The following FHL5 variants were observed in gnomAD, a reference collection of about 807,000 sequenced individuals.
FHL5 encodes four and a half LIM domains protein 5.
Under a neutral mutation model 32.0 loss-of-function variants are expected in FHL5, and 33 were observed. The ratio of observed to expected loss-of-function variants is 1.03; its 90% CI spans 0.78 to 1.38. FHL5 has a LOEUF of 1.38. Ranked by LOEUF, FHL5 falls within the 40% of genes most tolerant of loss-of-function variation. The probability of loss-of-function intolerance (pLI) is 0.00; values close to 1 mark genes in which losing one functional copy is unlikely to be tolerated. For missense variants in FHL5, 336 were observed against 343.9 expected, an observed-to-expected ratio of 0.98 and a Z score of 0.18; for synonymous variants, 114 against 113.6, an observed-to-expected ratio of 1.00 and a Z score of -0.02.
chr6:96,608,228 A>T (rs1771325325), intron 4 of FHL5, among the ~76,000 whole-genome samples: 1 of 152,224 alleles, frequency 6.6e-6, no homozygotes, highest in Non-Finnish European at 1.5e-5. Context: ...TCTTTAGTAC[A>T]TCCATGCTGA....
intron 4 of FHL5, among the ~76,000 whole-genome samples, chr6:96,608,843 G>A (rs1052575723): frequency 2.6e-5 from 4 of 152,098 alleles, no homozygotes; most frequent in Admixed American, 2.6e-4. Context: ...AACTATTTTT[G>A]ATGTTCCAGA....
intron 5 of FHL5, among the ~76,000 whole-genome samples, chr6:96,613,287 A>C (rs953519874): frequency 1.2e-4 from 19 of 152,202 alleles, no homozygotes; most frequent in African/African-American, 4.1e-4. Context: ...TCTACCCATA[A>C]ATCACCAAGT....
intron 1 of FHL5, among the ~76,000 whole-genome samples, chr6:96,596,923 G>A (rs919492991): frequency 1.3e-5 from 2 of 151,962 alleles, no homozygotes; most frequent in Admixed American, 1.3e-4. Context: ...TGAAATTTCA[G>A]AATGACTCTC....
intron 1 of FHL5, among the ~76,000 whole-genome samples, chr6:96,600,990 C>G (rs996679758): frequency 1.3e-5 from 2 of 152,146 alleles, no homozygotes; most frequent in East Asian, 3.9e-4. Context: ...CTCACCCTAC[C>G]CAACTCCCTG....
chr6:96,610,484 C>G, intron 4 of FHL5, 88 bp from the exon 5 acceptor site: 2 of 946,642 alleles, frequency 2.1e-6, no homozygotes, highest in Non-Finnish European at 3.2e-6. Context: ...CTTTTCTCCC[C>G]AGAGATACTA....
chr6:96,614,447 T>G (rs1213605467), intron 5 of FHL5, among the ~76,000 whole-genome samples: 1 of 152,176 alleles, frequency 6.6e-6, no homozygotes, highest in African/African-American at 2.4e-5. Context: ...ATTTTCTGTA[T>G]GAACTACTAA....
chr6:96,594,908 A>G (rs530106777), intron 1 of FHL5, among the ~76,000 whole-genome samples: 72 of 152,098 alleles, frequency 4.7e-4, no homozygotes, highest in African/African-American at 1.7e-3. Flanking sequence ...ACAAGGATTA[A>G]CAATCAACTC....
intron 1 of FHL5, among the ~76,000 whole-genome samples, chr6:96,568,374 G>A (rs1237290552): frequency 6.6e-6 from 1 of 151,798 alleles, no homozygotes; most frequent in Non-Finnish European, 1.5e-5. Context: ...GTATTTTGTT[G>A]AGGATTTTTG....
intron 1 of FHL5, among the ~76,000 whole-genome samples, chr6:96,593,535 G>A (rs1770964963): frequency 6.6e-6 from 1 of 152,038 alleles, no homozygotes. Context: ...TGAAATACTA[G>A]TTTACTTCTA....
intron 1 of FHL5, among the ~76,000 whole-genome samples, chr6:96,599,534 G>A (rs1455732616): frequency 6.6e-6 from 1 of 152,034 alleles, no homozygotes; most frequent in Non-Finnish European, 1.5e-5. Context: ...ATTTAAAGGA[G>A]CAAACTAGAA....
intron 1 of FHL5, among the ~76,000 whole-genome samples, chr6:96,602,426 CTTTTTTTTTTTTTTTTTTTTT>C (rs1168636713): frequency 0.093 from 3,137 of 33,740 alleles, 175 homozygotes; most frequent in African/African-American, 0.25. Context: ...TGCGTTGTTT[CTTTTTTTTTTTTTTTTTTTTT>C]TTTTTTTTTT....
At position 96,617,875 on chromosome 6, in the gene FHL5, G is replaced by A. The variant is rs11751075; in HGVS notation, c.*2103G>A. 0.18 allele frequency among the ~76,000 whole-genome samples: 27,455 copies of A among 152,018 alleles called. 2,724 individuals are homozygous for A. The highest frequency in any genetic ancestry group is 0.26 in the Middle Eastern group (76 of 294). Reference sequence around the variant, plus strand: ...TAAAGATTTTATTATCCTTTCATAAGTATAAATATATATACTTTTACATAT... The same window carrying A: ...TAAAGATTTTATTATCCTTTCATAAATATAAATATATATACTTTTACATAT... On this transcript the variant is annotated 3_prime_UTR_variant, in exon 6 of 6. Coordinates refer to ENST00000450218, the MANE Select transcript of FHL5 (RefSeq NM_001322466.2).
At chr6:96,569,119 C>T (rs1770422509) in intron 1 of FHL5, among the ~76,000 whole-genome samples, 1 of 151,756 alleles carries the variant, frequency 6.6e-6, no homozygotes, top group Non-Finnish European at 1.5e-5. Context: ...TTGCTATACC[C>T]CAGATGTTTT....
chr6:96,588,933 T>A (rs554848735), intron 1 of FHL5, among the ~76,000 whole-genome samples: 2 of 152,164 alleles, frequency 1.3e-5, no homozygotes, highest in South Asian at 2.1e-4. Flanking sequence ...TCATATTTTT[T>A]AAAAAAATTT....
chr6:96,578,101 T>A (rs1770620703), intron 1 of FHL5, among the ~76,000 whole-genome samples: 1 of 152,210 alleles, frequency 6.6e-6, no homozygotes, highest in African/African-American at 2.4e-5. Context: ...GTAGGAAGTA[T>A]AACAAAATGA....
chr6:96,581,790 C>T (rs148757453), intron 1 of FHL5, among the ~76,000 whole-genome samples: 2 of 152,244 alleles, frequency 1.3e-5, no homozygotes, highest in Admixed American at 1.3e-4. Context: ...TTTTTAAAAA[C>T]CCTGGCACAA....
intron 1 of FHL5, among the ~76,000 whole-genome samples, chr6:96,602,540 G>A (rs1299616523): frequency 3.0e-5 from 4 of 134,826 alleles, no homozygotes; most frequent in African/African-American, 1.1e-4. Context: ...TCCGCCTCCC[G>A]GGTTCACGCC....
chr6:96,596,171 C>T (rs911224090), intron 1 of FHL5, among the ~76,000 whole-genome samples: 2 of 152,020 alleles, frequency 1.3e-5, no homozygotes, highest in African/African-American at 4.8e-5. Context: ...ACAAGGTCAT[C>T]ATGGCTCAGA....
intron 1 of FHL5, among the ~76,000 whole-genome samples, chr6:96,571,043 G>T (rs1770466131): frequency 2.6e-5 from 4 of 151,632 alleles, no homozygotes; most frequent in South Asian, 4.2e-4. Flanking sequence ...TTCCTTTGTT[G>T]GTCTCTTATT....
Sources: gnomAD v4.1 joint callset for allele counts (sites outside exome capture counted in the v4.1 genomes callset) on GRCh38, gnomAD v4.1.1 for gene constraint, MANE v1.5 for transcripts, NCBI Gene and HGNC (gene_info 2026-07-23, HGNC 2026-07-21) for gene names.